Variants in BRINP1 observed in about 807,000 individuals in gnomAD.
The protein encoded by BRINP1 is BMP/retinoic acid inducible neural specific 1.
Under a neutral mutation model 72.9 loss-of-function variants are expected in BRINP1, and 17 were observed. The ratio of observed to expected loss-of-function variants is 0.23; its 90% CI spans 0.16 to 0.35. The LOEUF (loss-of-function observed/expected upper bound fraction) is 0.35. BRINP1 is among the 10% of genes least tolerant of loss of function. BRINP1 has a pLI of 1.00. For synonymous variants in BRINP1, 418 were observed against 378.5 expected (o/e 1.10, Z -1.21); for missense variants, 850 against 1,001.6 (o/e 0.85, Z 2.04).
chr9:119,347,660 C>T (rs572273711), intron 1 of BRINP1, among the ~76,000 whole-genome samples: 2 of 152,278 alleles, frequency 1.3e-5, no homozygotes, highest in South Asian at 4.1e-4. Context: ...CCCAACATCT[C>T]TGCCTCTGCT....
Position 119,166,742 on chromosome 9 carries a change from C to G in BRINP1, c.*342G>C, listed in dbSNP as rs1829316996. The G allele has an allele frequency of 5.1e-6, 1 of 195,694 alleles. No homozygotes were observed. Among genetic ancestry groups the G allele is most frequent in the African/African-American group, 2.4e-5 (1 of 42,498 alleles). The allele number at this position is 195,694 out of a possible 1,614,324, so 12.1% of individuals were successfully genotyped here. On this transcript the variant is annotated 3_prime_UTR_variant, in exon 8 of 8. Coordinates refer to ENST00000265922, the MANE Select transcript of BRINP1 (RefSeq NM_014618.3). ...TCTCTCTTTCTTTTTAGTGTTTAAT[C>G]TTAGCACCTGCACAGCAGAGATCTT...
chr9:119,317,218 G>C (rs1398550309), intron 1 of BRINP1, among the ~76,000 whole-genome samples: 1 of 152,152 alleles, frequency 6.6e-6, no homozygotes, highest in Non-Finnish European at 1.5e-5. Context: ...CACCATTCTA[G>C]ATGCCATTAA....
chr9:119,270,826 G>T (rs1027902149), intron 2 of BRINP1, among the ~76,000 whole-genome samples: 1 of 152,088 alleles, frequency 6.6e-6, no homozygotes, highest in African/African-American at 2.4e-5. Context: ...TTTCCAAAAA[G>T]ATTTATTCAT....
chr9:119,352,825 T>G (rs572611522), intron 1 of BRINP1, among the ~76,000 whole-genome samples: 7 of 152,266 alleles, frequency 4.6e-5, no homozygotes, highest in Non-Finnish European at 1.0e-4. Flanking sequence ...CTGCAACTTA[T>G]GATTCAAAGA....
At chr9:119,366,680 T>C (rs1831695957) in intron 1 of BRINP1, among the ~76,000 whole-genome samples, 1 of 151,792 alleles carries the variant, frequency 6.6e-6, no homozygotes, top group Admixed American at 6.6e-5. Flanking sequence ...GACAAGCGAT[T>C]GTCTTGGTAG....
intron 1 of BRINP1, among the ~76,000 whole-genome samples, chr9:119,346,936 A>G (rs1191332985): frequency 6.6e-6 from 1 of 152,130 alleles, no homozygotes; most frequent in African/African-American, 2.4e-5. Flanking sequence ...GTCTCTACAG[A>G]GTTCACTAGA....
At chr9:119,220,904 A>C (rs1830034456) in intron 5 of BRINP1, among the ~76,000 whole-genome samples, 3 of 152,128 alleles carry the variant, frequency 2.0e-5, no homozygotes, top group Admixed American at 1.3e-4. Flanking sequence ...AATTTGGGTC[A>C]ATCTAAGCCT....
chr9:119,264,517 TG>T (rs1456752754), intron 2 of BRINP1, among the ~76,000 whole-genome samples: 1 of 152,258 alleles, frequency 6.6e-6, no homozygotes, highest in African/African-American at 2.4e-5. Flanking sequence ...AGATGCCTTA[TG>T]TTCAAATTCC....
At chr9:119,189,678 A>T (rs1013568455) in intron 7 of BRINP1, among the ~76,000 whole-genome samples, 1 of 152,136 alleles carries the variant, frequency 6.6e-6, no homozygotes, top group Non-Finnish European at 1.5e-5. Context: ...TAAAGTAAAT[A>T]TTAATGAACC....
chr9:119,341,117 C>A (rs1831401393), intron 1 of BRINP1, among the ~76,000 whole-genome samples: 1 of 152,128 alleles, frequency 6.6e-6, no homozygotes, highest in African/African-American at 2.4e-5. Context: ...CTACTACTGT[C>A]AAACTGGATC....
intron 1 of BRINP1, among the ~76,000 whole-genome samples, chr9:119,359,719 G>GGCATTT (rs1831609461): frequency 6.6e-6 from 1 of 152,174 alleles, no homozygotes; most frequent in Non-Finnish European, 1.5e-5. Flanking sequence ...TTGGTCAAGT[G>GGCATTT]GCATTACTGC....
intron 2 of BRINP1, among the ~76,000 whole-genome samples, chr9:119,280,363 C>A (rs966231781): frequency 1.3e-5 from 2 of 151,444 alleles, no homozygotes; most frequent in African/African-American, 2.4e-5. Context: ...CTCAGTCTCC[C>A]GAGTAGCTGG....
intron 2 of BRINP1, among the ~76,000 whole-genome samples, chr9:119,268,247 A>AATAGATAG (rs61056780): frequency 1.9e-3 from 179 of 95,580 alleles, no homozygotes; most frequent in East Asian, 6.3e-3. Context: ...TGTCTCAATA[A>AATAGATAG]ATAGATAGAT....
At chr9:119,301,005 C>G (rs908658729) in intron 2 of BRINP1, among the ~76,000 whole-genome samples, 10 of 152,206 alleles carry the variant, frequency 6.6e-5, no homozygotes, top group Non-Finnish European at 5.9e-5. Flanking sequence ...AGCATAGCTC[C>G]AAGTGTTATC....
intron 7 of BRINP1, among the ~76,000 whole-genome samples, chr9:119,205,335 C>T (rs1028426317): frequency 2.0e-5 from 3 of 152,174 alleles, no homozygotes; most frequent in African/African-American, 7.2e-5. Context: ...GAACGCCAGA[C>T]ATCCTCTCCA....
chr9:119,264,693 A>G (rs537261923), intron 2 of BRINP1, among the ~76,000 whole-genome samples: 3 of 152,124 alleles, frequency 2.0e-5, no homozygotes, highest in Non-Finnish European at 4.4e-5. Flanking sequence ...TTGTTTTGAG[A>G]CAGAGTGTCG....
intron 5 of BRINP1, among the ~76,000 whole-genome samples, chr9:119,236,434 G>T (rs961436649): frequency 6.6e-6 from 1 of 152,178 alleles, no homozygotes; most frequent in Non-Finnish European, 1.5e-5. Context: ...AATGAGAAAA[G>T]GTGGGTACTT....
intron 2 of BRINP1, among the ~76,000 whole-genome samples, chr9:119,289,376 A>G (rs1236318043): frequency 6.6e-6 from 1 of 152,200 alleles, no homozygotes; most frequent in Non-Finnish European, 1.5e-5. Context: ...AATGAAGACG[A>G]TGGAGAAGAG....
In BRINP1 at chr9:119,369,433, A is replaced by C. The variant is rs999524387; in HGVS notation, c.-428T>G. 9.4e-5 allele frequency: 37 copies of C among 393,706 alleles called. No homozygotes were observed. The Admixed American group carries it at 1.6e-3, about 17-fold the overall frequency. 24.4% of individuals were successfully genotyped at this position (393,706 alleles called of 1,614,324 possible). On this transcript the variant is annotated 5_prime_UTR_variant, in exon 1 of 8. In the 5' UTR this introduces an upstream ATG that the reference lacks. Transcript: ENST00000265922. ...GGGTCCGGGAGCGAGGCGGCTGGCG[A>C]ATGGAGAGGGAAGTCCAAGTGCGCC...
Sources: gnomAD v4.1 joint callset for allele counts (sites outside exome capture counted in the v4.1 genomes callset) on GRCh38, gnomAD v4.1.1 for gene constraint, MANE v1.5 for transcripts, NCBI Gene and HGNC (gene_info 2026-07-23, HGNC 2026-07-21) for gene names.